Variants in TOP2B observed in about 807,000 individuals in gnomAD.
TOP2B encodes DNA topoisomerase 2-beta.
TOP2B carries 51 observed loss-of-function variants against 193.5 expected under a neutral mutation model. The observed-to-expected ratio is 0.26, with a 90% confidence interval of 0.21 to 0.33. The LOEUF is 0.33. Ranked by LOEUF, TOP2B falls within the 10% of genes least tolerant of loss-of-function variation. The probability of loss-of-function intolerance (pLI) is 1.00; values close to 1 mark genes in which losing one functional copy is unlikely to be tolerated. For missense variants in TOP2B, 1,378 were observed against 1,909.3 expected (o/e 0.72, Z 5.19); for synonymous variants, 634 against 635.7 (o/e 1.00, Z 0.04).
chr3:25,615,515 TG>T lies in TOP2B; in HGVS notation c.3422del (p.Pro1141GlnfsTer7). 1 of 1,578,274 alleles carries T rather than the reference TG, an allele frequency of 6.3e-7. No individual in the cohort carries two copies. ...ACATATTTAAAATATAATTAAAATC[TG>T]GGCCTGAAGGAGTTCCTGAATCGGA... Reference protein sequence around the residue: ...SSSDSGTPSGPDFNYILNMSL... With the variant: ...SSSDSGTPSGXDFNYILNMSL... On this transcript the variant is annotated frameshift_variant, in exon 26 of 36. Coordinates refer to ENST00000264331, the MANE Select transcript of TOP2B (RefSeq NM_001330700.2). LOFTEE classifies it high-confidence loss of function.
At chr3:25,662,995 T>C (rs977881167) in intron 1 of TOP2B, among the ~76,000 whole-genome samples, 1 of 152,226 alleles carries the variant, frequency 6.6e-6, no homozygotes, top group Non-Finnish European at 1.5e-5. Context: ...ACCACTAACT[T>C]AGTATCTGAC....
At chr3:25,643,029 A>G (rs948304117) in intron 3 of TOP2B, among the ~76,000 whole-genome samples, 3 of 152,200 alleles carry the variant, frequency 2.0e-5, no homozygotes, top group Admixed American at 1.3e-4. Context: ...AAGGTATAAA[A>G]TGCAACACAG....
At chr3:25,615,355 C>G in intron 26 of TOP2B, 67 bp from the exon 27 acceptor site, 1 of 1,550,558 alleles carries the variant, frequency 6.4e-7, no homozygotes, top group Non-Finnish European at 8.7e-7. Flanking sequence ...AATCAAAATA[C>G]TTATTTTTGG....
chr3:25,604,728 A>G, intron 33 of TOP2B, 32 bp downstream of exon 33: 1 of 1,472,798 alleles, frequency 6.8e-7, no homozygotes, highest in Non-Finnish European at 9.4e-7. Flanking sequence ...ATCTCTATCC[A>G]ATGCTTAACT....
intron 17 of TOP2B, 21 bp downstream of exon 17, chr3:25,626,751 T>A (rs1212822859): frequency 1.3e-6 from 2 of 1,580,914 alleles, no homozygotes; most frequent in Non-Finnish European, 1.7e-6. Context: ...TTTCCCCAGG[T>A]CACCACTCTT....
chr3:25,619,297 A>T (rs563243113), intron 23 of TOP2B, among the ~76,000 whole-genome samples: 2,018 of 152,126 alleles, frequency 0.013, 47 homozygotes, highest in African/African-American at 0.044. Context: ...TAATCCAGTC[A>T]CCCAAACTCC....
At chr3:25,619,690 A>G (rs1166181219) in intron 23 of TOP2B, among the ~76,000 whole-genome samples, 172 bp downstream of exon 23, 2 of 151,454 alleles carry the variant, frequency 1.3e-5, no homozygotes, top group Non-Finnish European at 2.9e-5. Context: ...GGACAATACT[A>G]GAAGAAAGAA....
At position 25,601,163 on chromosome 3, in the gene TOP2B, C is replaced by G. The variant is rs377505092; in HGVS notation, c.4552G>C (p.Glu1518Gln). The change falls in exon 34 of 36, where the codon GAG becomes CAG. Residue 1518 changes from glutamate to glutamine, a missense_variant. Physicochemically the swap from Glu to Gln is conservative, Grantham distance 29 (BLOSUM62 2). Around this residue, in one of 9 missense-constraint regions of TOP2B, gnomAD observed 556 missense variants for 584.2 expected, o/e 0.95. Transcript: ENST00000264331. ...GAATCCGAGTCAGAGTTTACAGCCT[C>G]TACTACTTTCTTCTGTTTTGGGGCT... is the stretch of plus-strand genomic sequence containing the variant. ...KRAPKQKKVV[E>Q]AVNSDSDSEF... 1 of 1,613,838 alleles carries G rather than the reference C, an allele frequency of 6.2e-7. No individual in the cohort carries two copies. Among genetic ancestry groups the G allele is most frequent in the African/African-American group, 1.3e-5 (1 of 75,054 alleles).
chr3:25,602,150 C>T (rs1291990247), intron 33 of TOP2B, among the ~76,000 whole-genome samples: 1 of 152,110 alleles, frequency 6.6e-6, no homozygotes, highest in Non-Finnish European at 1.5e-5. Flanking sequence ...AATCCCAGAA[C>T]TTTGGGAGGC....
Position 25,624,278 on chromosome 3 carries a change from TA to T in TOP2B, c.2495+18del. ...CAAATCAAATCAAACTTTATACCAT[TA>T]TATCAGCAAATATTTACCTTAACAT... is the stretch of plus-strand genomic sequence containing the variant. On this transcript the variant is annotated intron_variant, in intron 20 of 35. Coordinates refer to ENST00000264331, the MANE Select transcript of TOP2B (RefSeq NM_001330700.2). The T allele has an allele frequency of 1.2e-6, 2 of 1,613,170 alleles. No individual in the cohort carries two copies. The highest frequency in any genetic ancestry group is 1.7e-6 in the Non-Finnish European group (2 of 1,179,438).
At chr3:25,651,137 A>T (rs1004660923) in intron 1 of TOP2B, among the ~76,000 whole-genome samples, 7 of 152,342 alleles carry the variant, frequency 4.6e-5, no homozygotes, top group African/African-American at 1.7e-4. Flanking sequence ...CAAATATGGC[A>T]TCTTCTAGTA....
Position 25,638,302 on chromosome 3 carries a change from T to A in TOP2B, c.404A>T (p.Asn135Ile). ...CCCATTATTCCAAATGCTTATAATG[T>A]TAGATTCACTGTAAAAAAAAAAAAA... ...CIKVSIDPES[N>I]IISIWNNGKG... Residue 135 changes from asparagine to isoleucine, a missense_variant, in exon 5 of 36, where the codon AAC (asparagine) becomes ATC (isoleucine). Asn to Ile is a moderately radical substitution (Grantham distance 149). Around this residue, in one of 9 missense-constraint regions of TOP2B, gnomAD observed 21 missense variants for 19.6 expected, o/e 1.07. Coordinates refer to ENST00000264331, the MANE Select transcript of TOP2B (RefSeq NM_001330700.2). 2 of 1,042,586 alleles carry A rather than the reference T, an allele frequency of 1.9e-6. No individual in the cohort carries two copies. Among genetic ancestry groups the A allele is most frequent in the Non-Finnish European group, 2.4e-6 (2 of 839,976 alleles). 64.6% of individuals were successfully genotyped at this position (1,042,586 alleles called of 1,614,324 possible). A position where few individuals can be genotyped will look rare whatever the true frequency, so the allele number is the denominator to read the frequency against.
intron 27 of TOP2B, among the ~76,000 whole-genome samples, chr3:25,613,501 G>T (rs996182745): frequency 6.6e-6 from 1 of 152,116 alleles, no homozygotes; most frequent in Non-Finnish European, 1.5e-5. Context: ...TGAGGCTGAG[G>T]TAGGTGGATC....
intron 1 of TOP2B, among the ~76,000 whole-genome samples, chr3:25,660,346 G>A (rs929587368): frequency 2.6e-5 from 4 of 152,124 alleles, no homozygotes; most frequent in Non-Finnish European, 5.9e-5. Flanking sequence ...TCTAACTTCA[G>A]AAATTTGTAA....
intron 25 of TOP2B, among the ~76,000 whole-genome samples, chr3:25,617,300 G>T (rs1702529335): frequency 6.6e-6 from 1 of 151,838 alleles, no homozygotes; most frequent in Non-Finnish European, 1.5e-5. Flanking sequence ...CATAATTTGG[G>T]GTTCAATAAA....
chr3:25,650,074 AAGTC>A (rs1200219632), intron 1 of TOP2B, among the ~76,000 whole-genome samples: 3 of 152,316 alleles, frequency 2.0e-5, no homozygotes, highest in Admixed American at 1.3e-4. Context: ...TAAACAAAAA[AAGTC>A]AGAAGGAGCA....
At chr3:25,620,182 C>G in intron 22 of TOP2B, 120 bp from the exon 23 acceptor site, 2 of 657,680 alleles carry the variant, frequency 3.0e-6, no homozygotes, top group East Asian at 2.7e-5. Flanking sequence ...AAACCTCAAT[C>G]TCTATCATCT....
In TOP2B at chr3:25,604,828, A is replaced by G; in HGVS notation, c.4421T>C (p.Val1474Ala). ...TTTCAGACCAAATGATGGTGAAAAA[A>G]CAGAAGCAGAATCTTCTTCATTACT... Reference protein sequence around the residue: ...FDSNEEDSASVFSPSFGLKQT... With the variant: ...FDSNEEDSASAFSPSFGLKQT... The change falls in exon 33 of 36, where the codon GTT becomes GCT. Residue 1474 changes from valine to alanine, a missense_variant. This residue lies in a region of TOP2B where 556 missense variants were observed against 584.2 expected (regional missense o/e 0.95). Coordinates refer to ENST00000264331, the MANE Select transcript of TOP2B (RefSeq NM_001330700.2). 6.2e-7 allele frequency: 1 copy of G among 1,612,962 alleles called. No individual in the cohort carries two copies. The highest frequency in any genetic ancestry group is 8.5e-7 in the Non-Finnish European group (1 of 1,179,378).
At chr3:25,605,915 T>TA in intron 32 of TOP2B, 128 bp downstream of exon 32, 1 of 494,408 alleles carries the variant, frequency 2.0e-6, no homozygotes. Context: ...GAGCAAAATA[T>TA]AAAAAGGAAG....
Sources: allele counts gnomAD v4.1 joint callset (sites outside exome capture counted in the v4.1 genomes callset), GRCh38; gene constraint gnomAD v4.1.1; regional missense constraint gnomAD v4.1.1; transcripts MANE v1.5; gene names NCBI Gene and HGNC (gene_info 2026-07-23, HGNC 2026-07-21).